Variants in SLC24A2 observed in about 807,000 individuals in gnomAD.
The protein encoded by SLC24A2 is sodium/potassium/calcium exchanger 2.
A neutral mutation model predicts 62.0 loss-of-function variants in SLC24A2; 36 were observed. The observed-to-expected ratio is 0.58, with a 90% CI of 0.44 to 0.77. SLC24A2 has a LOEUF of 0.77. Ranked by LOEUF, SLC24A2 falls within the 30% of genes least tolerant of loss-of-function variation. The pLI, the probability that SLC24A2 is intolerant of heterozygous loss-of-function variation, is 0.00. For synonymous variants in SLC24A2, 358 were observed against 294.0 expected (o/e 1.22, Z -2.23); for missense variants, 846 against 817.9 (o/e 1.03, Z -0.42).
At chr9:20,107,221 C>T in the SLC24A2 span, among the ~76,000 whole-genome samples, 1 of 152,138 alleles carries the variant, frequency 6.6e-6, no homozygotes, top group Non-Finnish European at 1.5e-5. Flanking sequence ...AAGAACATTC[C>T]ATGCTCATGG....
At chr9:19,741,630 A>G (rs969073680) in intron 2 of SLC24A2, among the ~76,000 whole-genome samples, 1 of 152,182 alleles carries the variant, frequency 6.6e-6, no homozygotes, top group South Asian at 2.1e-4. Context: ...TACACTTTAG[A>G]TAATTAACAA....
the SLC24A2 span, among the ~76,000 whole-genome samples, chr9:20,024,153 G>A: frequency 1.3e-5 from 2 of 152,084 alleles, no homozygotes; most frequent in Non-Finnish European, 2.9e-5. Context: ...ATCATCCTGG[G>A]GTGCTTGCTT....
At chr9:19,822,270 A>G in the SLC24A2 span, among the ~76,000 whole-genome samples, 4 of 152,200 alleles carry the variant, frequency 2.6e-5, no homozygotes, top group African/African-American at 4.8e-5. Context: ...ATCCATGCCA[A>G]TCAGGCTTGG....
At position 19,726,953 on chromosome 9, in the gene SLC24A2, G is replaced by C. The variant is rs565265902; in HGVS notation, c.930+58984C>G. ...ATGGTATTTTATTTATCCCTAGGTA[G>C]TACATGTTAGATCATCATACTGTCA... On this transcript the variant is annotated intron_variant, in intron 2 of 10. Transcript: ENST00000341998. Among the ~76,000 whole-genome samples, 75 of 152,256 alleles carry C rather than the reference G, an allele frequency of 4.9e-4. 1 individual carries two copies. In the South Asian group the frequency reaches 0.014, roughly 29 times the overall value.
chr9:19,644,848 A>T (rs1278194881), intron 2 of SLC24A2, among the ~76,000 whole-genome samples: 1 of 152,100 alleles, frequency 6.6e-6, no homozygotes, highest in African/African-American at 2.4e-5. Context: ...TGCATTAAAA[A>T]TTTTCTAGGT....
the SLC24A2 span, among the ~76,000 whole-genome samples, chr9:19,997,897 T>C: frequency 6.6e-6 from 1 of 152,194 alleles, no homozygotes; most frequent in African/African-American, 2.4e-5. Context: ...AATCAGAATT[T>C]TATCAATAGA....
intron 2 of SLC24A2, among the ~76,000 whole-genome samples, chr9:19,688,468 C>T (rs1819949435): frequency 6.6e-6 from 1 of 152,004 alleles, no homozygotes; most frequent in Non-Finnish European, 1.5e-5. Flanking sequence ...AAAGTGATTC[C>T]AAGTAGTCAC....
chr9:19,990,616 C>CAAAAAAAAAAAAA, the SLC24A2 span, among the ~76,000 whole-genome samples: 1 of 45,130 alleles, frequency 2.2e-5, no homozygotes. Flanking sequence ...CCTAAAAAAA[C>CAAAAAAAAAAAAA]AAAAAAAAAA....
the SLC24A2 span, among the ~76,000 whole-genome samples, chr9:19,947,375 AGGAAGGAAGGAAGAAGAAAGAAG>A: frequency 6.6e-6 from 1 of 151,394 alleles, no homozygotes; most frequent in Non-Finnish European, 1.5e-5. Flanking sequence ...GAAAGAAGGA[AGGAAGGAAGGAAGAAGAAAGAAG>A]GGAAGGAAGG....
chr9:20,175,016 T>TA, the SLC24A2 span, among the ~76,000 whole-genome samples: 348 of 93,254 alleles, frequency 3.7e-3, 1 homozygote, highest in African/African-American at 0.012. Flanking sequence ...TTCTGAATTT[T>TA]TTATATATAT....
chr9:19,969,166 G>A, the SLC24A2 span, among the ~76,000 whole-genome samples: 2 of 130,500 alleles, frequency 1.5e-5, no homozygotes, highest in East Asian at 2.2e-4. Context: ...TAACCTCTGC[G>A]TCCGCCACCT....
chr9:19,550,264 G>C lies in SLC24A2; in HGVS notation c.1352C>G (p.Ala451Gly), dbSNP rs761339159. The C allele has an allele frequency of 1.2e-6, 2 of 1,614,070 alleles. No individual in the cohort carries two copies. Among genetic ancestry groups the C allele is most frequent in the Non-Finnish European group, 1.7e-6 (2 of 1,179,948 alleles). Reference protein sequence around the residue: ...HNIEGAEAQTADEEEDQPLSL... With the variant: ...HNIEGAEAQTGDEEEDQPLSL... ...GAGAGGCTGGTCCTCCTCCTCATCAGCGGTCTGTGGTAGAAAAAGAGGTAA... is the reference window on the plus strand; with the variant it reads ...GAGAGGCTGGTCCTCCTCCTCATCACCGGTCTGTGGTAGAAAAAGAGGTAA... The change falls in exon 8 of 11, where the codon GCT becomes GGT. Residue 451 changes from alanine to glycine, a missense_variant. Ala to Gly is a moderately conservative substitution (Grantham distance 60). Transcript: ENST00000341998.
At chr9:19,644,430 T>C (rs1329311580) in intron 2 of SLC24A2, among the ~76,000 whole-genome samples, 1 of 152,226 alleles carries the variant, frequency 6.6e-6, no homozygotes, top group African/African-American at 2.4e-5. Flanking sequence ...ATAGTAAACC[T>C]ATGAGATCAG....
chr9:20,056,702 C>G, the SLC24A2 span, among the ~76,000 whole-genome samples: 29 of 152,266 alleles, frequency 1.9e-4, no homozygotes, highest in East Asian at 5.6e-3. Flanking sequence ...ATGACCTGAT[C>G]TCTGCCACTT....
intron 2 of SLC24A2, among the ~76,000 whole-genome samples, chr9:19,661,937 A>C (rs2208557): frequency 0.81 from 123,946 of 152,156 alleles, 50,580 homozygotes; most frequent in East Asian, 0.9. Flanking sequence ...CTAAATAGAC[A>C]TTGCACATTC....
At chr9:20,296,771 T>C in the SLC24A2 span, among the ~76,000 whole-genome samples, 4 of 152,194 alleles carry the variant, frequency 2.6e-5, no homozygotes, top group South Asian at 2.1e-4. Context: ...TTGCCAATCA[T>C]AGTGGTATGC....
chr9:19,725,923 T>C (rs1211550054), intron 2 of SLC24A2, among the ~76,000 whole-genome samples: 1 of 152,172 alleles, frequency 6.6e-6, no homozygotes. Context: ...AAAACCCAAT[T>C]CCTGCTCTGC....
chr9:20,214,582 T>C, the SLC24A2 span, among the ~76,000 whole-genome samples: 1 of 151,762 alleles, frequency 6.6e-6, no homozygotes, highest in South Asian at 2.1e-4. Flanking sequence ...GCCACTGCAC[T>C]CCAGCCTGGG....
rs563356375 is a variant in SLC24A2 at position 19,638,416 on chromosome 9, T to G, written c.931-16117A>C. ...TCATTTGGCAGATGATTATAACACT[T>G]TCTTTTTACCTGCTCTCTCTATTGA... On this transcript the variant is annotated intron_variant, in intron 2 of 10. Coordinates refer to ENST00000341998, the MANE Select transcript of SLC24A2 (RefSeq NM_020344.4). Among the ~76,000 whole-genome samples, 40 of 152,334 alleles carry G rather than the reference T, an allele frequency of 2.6e-4. No homozygotes were observed. The South Asian group carries it at 8.3e-3, about 32-fold the overall frequency.
Sources: gnomAD v4.1 joint callset for allele counts (sites outside exome capture counted in the v4.1 genomes callset) on GRCh38, gnomAD v4.1.1 for gene constraint, MANE v1.5 for transcripts, NCBI Gene and HGNC (gene_info 2026-07-23, HGNC 2026-07-21) for gene names.